The following FBN1 variants were observed in gnomAD, a reference collection of about 807,000 sequenced individuals.
FBN1 encodes fibrillin-1.
FBN1 carries 29 observed loss-of-function variants against 365.1 expected under a neutral mutation model. That is an observed-to-expected ratio of 0.08 (90% CI 0.06 to 0.11). The LOEUF (loss-of-function observed/expected upper bound fraction) is 0.11, where lower values mean the gene tolerates loss of function less well. Ranked by LOEUF, FBN1 falls within the 10% of genes least tolerant of loss-of-function variation. FBN1 has a pLI of 1.00. For missense variants in FBN1, 2,476 were observed against 3,703.2 expected, an observed-to-expected ratio of 0.67 and a Z score of 8.60; for synonymous variants, 1,210 against 1,270.5, an observed-to-expected ratio of 0.95 and a Z score of 1.01.
rs760170973 is a variant in FBN1 at position 48,446,820 on chromosome 15, T to C, written c.5674A>G (p.Ile1892Val). ...TNDDQTMCLDINECERDACGN... is the reference protein window; with the variant it reads ...TNDDQTMCLDVNECERDACGN... ...CAGGCATCTCTTTCACATTCATTTA[T>C]GTCTAGTAGGAAGAAAGGCCATAAA... is the stretch of plus-strand genomic sequence containing the variant. The change falls in exon 47 of 66, where the codon ATA becomes GTA. Residue 1892 changes from isoleucine to valine, a missense_variant and splice_region_variant. Transcript: ENST00000316623. 34 of 1,594,404 alleles carry C rather than the reference T, an allele frequency of 2.1e-5. No individual in the cohort carries two copies. The South Asian group carries it at 2.4e-4, about 11-fold the overall frequency.
chr15:48,432,609 G>A (rs1253560268), intron 55 of FBN1, among the ~76,000 whole-genome samples: 1 of 152,062 alleles, frequency 6.6e-6, no homozygotes, highest in Non-Finnish European at 1.5e-5. Flanking sequence ...CCCATATCTT[G>A]TAGAAATACT....
chr15:48,474,833 T>C (rs564603316), intron 32 of FBN1, among the ~76,000 whole-genome samples, 183 bp from the exon 33 acceptor site: 1 of 152,354 alleles, frequency 6.6e-6, no homozygotes, highest in East Asian at 1.9e-4. Flanking sequence ...TATAAAGATA[T>C]AACAATATGA....
At chr15:48,605,761 GCTA>G (rs568882578) in intron 4 of FBN1, among the ~76,000 whole-genome samples, 35 of 152,258 alleles carry the variant, frequency 2.3e-4, no homozygotes, top group Admixed American at 3.3e-4. Flanking sequence ...TGTAGTCCCA[GCTA>G]CTCAAGAGGC....
intron 6 of FBN1, among the ~76,000 whole-genome samples, chr15:48,565,751 G>A (rs543184228): frequency 6.6e-6 from 1 of 151,990 alleles, no homozygotes; most frequent in Admixed American, 6.6e-5. Flanking sequence ...TGTATAAAAC[G>A]AAAAAGCTGT....
At chr15:48,637,830 G>GT (rs1890122104) in intron 2 of FBN1, among the ~76,000 whole-genome samples, 1 of 152,124 alleles carries the variant, frequency 6.6e-6, no homozygotes, top group Non-Finnish European at 1.5e-5. Flanking sequence ...TAGATCAGAG[G>GT]TTGTTAAACT....
intron 48 of FBN1, among the ~76,000 whole-genome samples, 189 bp from the exon 49 acceptor site, chr15:48,444,849 A>AT (rs1319023475): frequency 5.9e-5 from 9 of 152,144 alleles, no homozygotes; most frequent in Non-Finnish European, 1.0e-4. Context: ...AATGTATAGC[A>AT]TAACAACCAT....
intron 7 of FBN1, among the ~76,000 whole-genome samples, chr15:48,535,410 G>A (rs2044005600): frequency 6.6e-6 from 1 of 152,182 alleles, no homozygotes; most frequent in Admixed American, 6.5e-5. Context: ...TTATGTGTAA[G>A]CCCAAATATT....
chr15:48,413,223 G>C (rs928564643), intron 64 of FBN1, among the ~76,000 whole-genome samples: 1 of 152,152 alleles, frequency 6.6e-6, no homozygotes, highest in African/African-American at 2.4e-5. Flanking sequence ...TCAAGCTTTG[G>C]AGCAATTGCT....
chr15:48,483,982 T>C (rs1382427091), intron 30 of FBN1, 39 bp from the exon 31 acceptor site: 1 of 1,606,840 alleles, frequency 6.2e-7, no homozygotes. Flanking sequence ...GTTGTTGATA[T>C]TGGTTCCACT....
intron 2 of FBN1, chr15:48,640,842 T>C (rs1360760251): frequency 6.6e-6 from 1 of 151,970 alleles, no homozygotes; most frequent in Non-Finnish European, 1.5e-5. Flanking sequence ...GCTAAAGCAA[T>C]AAGGCAATCA....
At chr15:48,467,470 T>C (rs2043332095) in intron 38 of FBN1, among the ~76,000 whole-genome samples, 1 of 152,226 alleles carries the variant, frequency 6.6e-6, no homozygotes, top group Admixed American at 6.5e-5. Context: ...ATAGTTTGTA[T>C]GTCCTTACAA....
At chr15:48,640,686 C>A (rs181109771) in intron 2 of FBN1, among the ~76,000 whole-genome samples, 8 of 152,280 alleles carry the variant, frequency 5.3e-5, no homozygotes, top group Admixed American at 2.6e-4. Context: ...CAAATTGTGT[C>A]AAATACAACT....
chr15:48,427,212 T>G, intron 58 of FBN1, among the ~76,000 whole-genome samples: 1 of 152,242 alleles, frequency 6.6e-6, no homozygotes, highest in East Asian at 1.9e-4. Context: ...GAGTTCCACA[T>G]CTTGGTGGAC....
rs1035951925 is a variant in FBN1, at chr15:48,463,308, T to A, written c.5066-68A>T. ...CATGTGGGAAATCACAACAAATTTC[T>A]AAGTGGATACTCAACAAGCAAGTTT... On this transcript the variant is annotated intron_variant, in intron 41 of 65. Coordinates refer to ENST00000316623, the MANE Select transcript of FBN1 (RefSeq NM_000138.5). The A allele has an allele frequency of 5.6e-6, 8 of 1,427,200 alleles. No homozygotes were observed. In the African/African-American group the frequency reaches 9.8e-5, roughly 17 times the overall value. 88.4% of individuals were successfully genotyped at this position (1,427,200 alleles called of 1,614,324 possible).
At chr15:48,457,447 T>C (rs1597541551) in intron 43 of FBN1, among the ~76,000 whole-genome samples, 1 of 152,122 alleles carries the variant, frequency 6.6e-6, no homozygotes, top group East Asian at 1.9e-4. Context: ...TAAGAGCAAG[T>C]GTCTGGCAGT....
chr15:48,548,021 G>A (rs184562494), intron 6 of FBN1, among the ~76,000 whole-genome samples: 12 of 152,288 alleles, frequency 7.9e-5, no homozygotes, highest in Admixed American at 2.0e-4. Flanking sequence ...ACCAAAACCC[G>A]ATTATGTAGA....
chr15:48,546,207 T>C (rs919472492), intron 6 of FBN1, among the ~76,000 whole-genome samples: 4 of 152,316 alleles, frequency 2.6e-5, no homozygotes, highest in East Asian at 3.9e-4. Context: ...TCTGTTCACA[T>C]GGAGTTTGCA....
At chr15:48,444,991 T>C (rs969353783) in intron 48 of FBN1, among the ~76,000 whole-genome samples, 2 of 151,424 alleles carry the variant, frequency 1.3e-5, no homozygotes, top group Admixed American at 1.3e-4. Context: ...AAGAAAAATA[T>C]TTAAGAAGGG....
At chr15:48,600,631 G>A (rs545279296) in intron 4 of FBN1, among the ~76,000 whole-genome samples, 2 of 152,168 alleles carry the variant, frequency 1.3e-5, no homozygotes, top group Non-Finnish European at 2.9e-5. Flanking sequence ...TTGAACCTGG[G>A]GGGGCAGAGG....
Sources: gnomAD v4.1 joint callset for allele counts (sites outside exome capture counted in the v4.1 genomes callset) on GRCh38, gnomAD v4.1.1 for gene constraint, MANE v1.5 for transcripts, NCBI Gene and HGNC (gene_info 2026-07-23, HGNC 2026-07-21) for gene names.